The following CATSPERB variants were observed in gnomAD, a reference collection of about 807,000 sequenced individuals.
CATSPERB encodes the protein catsper channel auxiliary subunit beta, also known as cation channel sperm-associated auxiliary subunit beta.
In CATSPERB, 93 loss-of-function variants were observed where a neutral mutation model predicts 128.3. The ratio of observed to expected loss-of-function variants is 0.72; its 90% CI spans 0.61 to 0.86. The LOEUF is 0.86. CATSPERB is among the 40% of genes least tolerant of loss of function. The probability of loss-of-function intolerance (pLI) is 0.00; values close to 1 mark genes in which losing one functional copy is unlikely to be tolerated. For missense variants in CATSPERB, 1,153 were observed against 1,329.5 expected (o/e 0.87, Z 2.06); for synonymous variants, 381 against 448.8 (o/e 0.85, Z 1.91).
intron 14 of CATSPERB, among the ~76,000 whole-genome samples, chr14:91,661,524 C>CATATATATATATATATATATATAT (rs58330624): frequency 3.9e-4 from 50 of 127,018 alleles, no homozygotes; most frequent in African/African-American, 1.0e-3. Context: ...CAGATGCTAT[C>CATATATATATATATATATATATAT]ATATATATAT....
chr14:91,637,569 G>T (rs962295361), intron 16 of CATSPERB, among the ~76,000 whole-genome samples: 5 of 152,198 alleles, frequency 3.3e-5, no homozygotes, highest in East Asian at 1.9e-4. Context: ...AGTTGCCTGG[G>T]ATAGATGTCT....
At chr14:91,708,366 G>A in intron 5 of CATSPERB, 130 bp from the exon 6 acceptor site, 1 of 610,272 alleles carries the variant, frequency 1.6e-6, no homozygotes, top group Non-Finnish European at 2.8e-6. Flanking sequence ...GTATTTATAT[G>A]TGAAATTTCA....
chr14:91,605,706 T>C (rs1404186914), intron 22 of CATSPERB, among the ~76,000 whole-genome samples: 1 of 152,190 alleles, frequency 6.6e-6, no homozygotes, highest in Admixed American at 6.5e-5. Context: ...CAGCCTGGAA[T>C]GCTGTTTGAC....
At chr14:91,605,590 C>T (rs1297623788) in intron 22 of CATSPERB, among the ~76,000 whole-genome samples, 1 of 152,058 alleles carries the variant, frequency 6.6e-6, no homozygotes, top group East Asian at 1.9e-4. Context: ...GCCTGCTGTC[C>T]CCAAACTCTT....
intron 22 of CATSPERB, among the ~76,000 whole-genome samples, chr14:91,598,521 A>C (rs1252222071): frequency 6.6e-6 from 1 of 152,218 alleles, no homozygotes; most frequent in East Asian, 1.9e-4. Flanking sequence ...CATGATTTAA[A>C]GTTATGAAAC....
chr14:91,660,838 G>C (rs922887153), intron 14 of CATSPERB, among the ~76,000 whole-genome samples: 7 of 151,954 alleles, frequency 4.6e-5, no homozygotes, highest in African/African-American at 1.7e-4. Context: ...CCAGTTAATC[G>C]GTTTGAAAAT....
chr14:91,592,992 G>A (rs1297699069), intron 22 of CATSPERB, among the ~76,000 whole-genome samples: 1 of 152,344 alleles, frequency 6.6e-6, no homozygotes, highest in Non-Finnish European at 1.5e-5. Context: ...GCTGAAAGGG[G>A]CCAACGCACA....
chr14:91,720,998 G>A (rs1896018223), intron 4 of CATSPERB, among the ~76,000 whole-genome samples: 1 of 152,114 alleles, frequency 6.6e-6, no homozygotes. Context: ...TTTTCTACAA[G>A]TCATGCTAGG....
Position 91,593,231 on chromosome 14 carries a change from C to CCA in CATSPERB, c.2710-1231_2710-1230dup, listed in dbSNP as rs1893442821. Among the ~76,000 whole-genome samples, 3 of 152,322 alleles carry CCA rather than the reference C, an allele frequency of 2.0e-5. No individual in the cohort carries two copies. In the East Asian group the frequency reaches 5.8e-4, roughly 29 times the overall value. On this transcript the variant is annotated intron_variant, in intron 22 of 26. Coordinates refer to ENST00000256343, the MANE Select transcript of CATSPERB (RefSeq NM_024764.4). The stretch of plus-strand genomic sequence containing the variant: ...GAAGGGAAATGTGGGGTGGGAGCTC[C>CCA]CACACAGAGTCCCTACTGGGGCACT...
chr14:91,670,212 T>C (rs1895063897), intron 13 of CATSPERB, among the ~76,000 whole-genome samples: 1 of 152,148 alleles, frequency 6.6e-6, no homozygotes, highest in African/African-American at 2.4e-5. Flanking sequence ...GCTCTATAAT[T>C]AACAGCAAAG....
chr14:91,661,168 T>G (rs1226697208), intron 14 of CATSPERB, among the ~76,000 whole-genome samples: 1 of 152,168 alleles, frequency 6.6e-6, no homozygotes, highest in Non-Finnish European at 1.5e-5. Context: ...AGGGAGGTAG[T>G]TAGGTGTCTA....
At chr14:91,722,714 GA>G (rs2139780130) in intron 4 of CATSPERB, among the ~76,000 whole-genome samples, 1 of 152,122 alleles carries the variant, frequency 6.6e-6, no homozygotes, top group African/African-American at 2.4e-5. Flanking sequence ...TTTTTAGAAG[GA>G]AAAAACCCCA....
At chr14:91,609,473 T>A (rs1338223562) in intron 21 of CATSPERB, among the ~76,000 whole-genome samples, 1 of 152,212 alleles carries the variant, frequency 6.6e-6, no homozygotes, top group Non-Finnish European at 1.5e-5. Flanking sequence ...TACAAAATTA[T>A]TACAGTAGTA....
chr14:91,704,739 C>T, intron 6 of CATSPERB, 38 bp from the exon 7 acceptor site: 1 of 1,595,382 alleles, frequency 6.3e-7, no homozygotes, highest in East Asian at 2.2e-5. Flanking sequence ...ATTGTGGGAG[C>T]ACCCTTGAAA....
intron 5 of CATSPERB, among the ~76,000 whole-genome samples, chr14:91,717,531 GATAGTA>G (rs1895963143): frequency 6.6e-6 from 1 of 152,084 alleles, no homozygotes; most frequent in African/African-American, 2.4e-5. Flanking sequence ...TGAAAATGAA[GATAGTA>G]ATAGTATCTA....
intron 22 of CATSPERB, chr14:91,603,537 G>C: frequency 1.3e-6 from 1 of 777,746 alleles, no homozygotes; most frequent in Non-Finnish European, 2.3e-6. Context: ...AAGGGGTGCA[G>C]GCAGAGGACC....
intron 6 of CATSPERB, among the ~76,000 whole-genome samples, chr14:91,705,339 T>C (rs1895717311): frequency 6.6e-6 from 1 of 150,960 alleles, no homozygotes; most frequent in Non-Finnish European, 1.5e-5. Context: ...AGTAGGTAGA[T>C]GAAAATGAGT....
At chr14:91,653,284 T>C (rs965869) in intron 15 of CATSPERB, among the ~76,000 whole-genome samples, 29,564 of 152,162 alleles carry the variant, frequency 0.19, 3,084 homozygotes, top group African/African-American at 0.25. Flanking sequence ...TAATTTCTGT[T>C]AGACCTAATA....
chr14:91,603,298 C>T (rs1893639896), intron 22 of CATSPERB: 13 of 1,453,540 alleles, frequency 8.9e-6, no homozygotes, highest in Non-Finnish European at 1.3e-5. Flanking sequence ...TTCAGTGGCA[C>T]TGGTTTATAA....
Sources: gnomAD v4.1 joint callset for allele counts (sites outside exome capture counted in the v4.1 genomes callset) on GRCh38, gnomAD v4.1.1 for gene constraint, MANE v1.5 for transcripts, NCBI Gene and HGNC (gene_info 2026-07-23, HGNC 2026-07-21) for gene names.